Variants in NCKAP1 observed in about 807,000 individuals in gnomAD.
NCKAP1 encodes nck-associated protein 1.
Under a neutral mutation model 151.2 loss-of-function variants are expected in NCKAP1, and 21 were observed. The observed-to-expected ratio is 0.14, with a 90% CI of 0.10 to 0.20. NCKAP1 has a LOEUF of 0.20. NCKAP1 is among the 10% of genes least tolerant of loss of function. NCKAP1 has a pLI of 1.00. For synonymous variants in NCKAP1, 484 were observed against 451.8 expected (o/e 1.07, Z -0.90); for missense variants, 933 against 1,352.1 (o/e 0.69, Z 4.86).
intron 13 of NCKAP1, among the ~76,000 whole-genome samples, chr2:182,980,150 C>G (rs1297164792): frequency 1.3e-5 from 2 of 151,924 alleles, no homozygotes; most frequent in African/African-American, 4.8e-5. Flanking sequence ...AATAACTATT[C>G]AAATAAAATT....
rs1432561589 is a variant in NCKAP1, at chr2:183,002,019, G to A, written c.537C>T (p.Gly179=). The change falls in exon 6 of 31, where the codon GGC becomes GGT. Residue 179 remains glycine, a synonymous_variant. Coordinates refer to ENST00000361354, the MANE Select transcript of NCKAP1 (RefSeq NM_013436.5). ...GASDREYPRL[G]QMIVDYENPL... ...GGTTTTCATAATCCACAATCATCTG[G>A]CCAAGGCGTGGGTATTCTCTGTCAC... 4 of 1,613,570 alleles carry A rather than the reference G, an allele frequency of 2.5e-6. No individual in the cohort carries two copies. Among genetic ancestry groups the A allele is most frequent in the African/African-American group, 2.7e-5 (2 of 74,864 alleles).
Position 182,957,549 on chromosome 2 carries a change from C to G in NCKAP1, c.1929G>C (p.Lys643Asn), listed in dbSNP as rs1200787853. 1 of 1,613,686 alleles carries G rather than the reference C, an allele frequency of 6.2e-7. No homozygotes were observed. Among genetic ancestry groups the G allele is most frequent in the Non-Finnish European group, 8.5e-7 (1 of 1,179,812 alleles). The change falls in exon 19 of 31, where the codon AAG becomes AAC. Residue 643 changes from lysine to asparagine, a missense_variant. Transcript: ENST00000361354. ...CAKTISQAVN[K>N]KSKKQTGKKG... is the part of the protein sequence containing the mutation. Reference sequence around the variant, plus strand: ...TCTTACCAGTCTGCTTTTTTGATTTCTTATTCACTGCTTGACTGATAGTTT... The same window carrying G: ...TCTTACCAGTCTGCTTTTTTGATTTGTTATTCACTGCTTGACTGATAGTTT...
chr2:182,963,479 T>C (rs1352264715), intron 17 of NCKAP1, among the ~76,000 whole-genome samples: 1 of 152,164 alleles, frequency 6.6e-6, no homozygotes, highest in Non-Finnish European at 1.5e-5. Flanking sequence ...CAAATCTCTC[T>C]ATTATCTGAC....
chr2:182,993,733 A>C (rs1200642217), intron 8 of NCKAP1, among the ~76,000 whole-genome samples: 1 of 148,112 alleles, frequency 6.8e-6, no homozygotes, highest in Non-Finnish European at 1.5e-5. Flanking sequence ...GAAGGTTGGG[A>C]TAAAAAAAAC....
chr2:183,031,032 C>A (rs1369064514), intron 1 of NCKAP1, among the ~76,000 whole-genome samples: 1 of 152,104 alleles, frequency 6.6e-6, no homozygotes, highest in South Asian at 2.1e-4. Context: ...GGCTTGATAA[C>A]AAAGTATACT....
rs1220641677 is a variant in NCKAP1, at chr2:182,912,267, G to C, written c.*13435C>G. 3 of 152,126 alleles carry C rather than the reference G, an allele frequency of 2.0e-5. No homozygotes were observed. The highest frequency in any genetic ancestry group is 7.2e-5 in the African/African-American group (3 of 41,418). The allele number at this position is 152,126 out of a possible 1,614,324, so 9.4% of individuals were successfully genotyped here. A position where few individuals can be genotyped will look rare whatever the true frequency, so the allele number is the denominator to read the frequency against. On this transcript the variant is annotated 3_prime_UTR_variant, in exon 31 of 31. Transcript: ENST00000361354. ...TTGCCCATTACGTATTAATAAACTG[G>C]ATTCAACAAAGACATTCTTACCCAT...
At chr2:182,989,211 C>T (rs762090998) in intron 8 of NCKAP1, 25 bp from the exon 9 acceptor site, 1 of 1,559,704 alleles carries the variant, frequency 6.4e-7, no homozygotes, top group African/African-American at 1.4e-5. Flanking sequence ...AAAGCAAATA[C>T]AAATGTAAAT....
chr2:183,024,831 T>A (rs933187391), intron 1 of NCKAP1: 18 of 723,980 alleles, frequency 2.5e-5, no homozygotes, highest in Non-Finnish European at 3.7e-5. Flanking sequence ...CTGTCTGCCA[T>A]GTGTGAGGAA....
At chr2:182,928,644 A>G (rs1309564405) in intron 28 of NCKAP1, 139 bp downstream of exon 28, 1 of 567,390 alleles carries the variant, frequency 1.8e-6, no homozygotes, top group Non-Finnish European at 3.1e-6. Flanking sequence ...ATATATCAGG[A>G]AACTGCAGTT....
intron 1 of NCKAP1, among the ~76,000 whole-genome samples, chr2:183,025,578 C>T (rs572055338): frequency 6.6e-6 from 1 of 152,150 alleles, no homozygotes; most frequent in Admixed American, 6.5e-5. Flanking sequence ...TTTAGAACTT[C>T]ATAATCTTTA....
In NCKAP1 at chr2:183,038,327, GCCTTCCGCCCGCCGC is replaced by G. The variant is rs1357136720; in HGVS notation, c.-243_-229del. On this transcript the variant is annotated 5_prime_UTR_variant, in exon 1 of 31. Coordinates refer to ENST00000361354, the MANE Select transcript of NCKAP1 (RefSeq NM_013436.5). ...GCAGCCCGCGCCCCGGCAGCCTCCTGCCTTCCGCCCGCCGCCCTTCCGCCCCCACCCCCGGCGCTC... is the reference window on the plus strand; with the variant it reads ...GCAGCCCGCGCCCCGGCAGCCTCCTGCCTTCCGCCCCCACCCCCGGCGCTC... The G allele has an allele frequency of 1.5e-4, 47 of 322,532 alleles. No homozygotes were observed. Among genetic ancestry groups the G allele is most frequent in the African/African-American group, 9.4e-4 (43 of 45,596 alleles). 20.0% of individuals were successfully genotyped at this position (322,532 alleles called of 1,614,324 possible).
intron 27 of NCKAP1, among the ~76,000 whole-genome samples, chr2:182,929,683 T>C (rs972124244): frequency 6.6e-6 from 1 of 150,534 alleles, no homozygotes; most frequent in African/African-American, 2.4e-5. Context: ...CTGTAGCAAA[T>C]CAAGTAATAA....
intron 1 of NCKAP1, among the ~76,000 whole-genome samples, chr2:183,032,574 T>TA (rs202148682): frequency 1.2e-3 from 177 of 151,024 alleles, no homozygotes; most frequent in African/African-American, 3.3e-3. Flanking sequence ...TATCTAAACA[T>TA]AAAAAAAAAC....
chr2:182,913,428 G>C lies in NCKAP1; in HGVS notation c.*12274C>G, dbSNP rs779857641. The C allele has an allele frequency of 6.6e-6, 1 of 152,122 alleles. No homozygotes were observed. The highest frequency in any genetic ancestry group is 2.1e-4 in the South Asian group (1 of 4,824). 9.4% of individuals were successfully genotyped at this position (152,122 alleles called of 1,614,324 possible). On this transcript the variant is annotated 3_prime_UTR_variant, in exon 31 of 31. Transcript: ENST00000361354. ...GGATTGATGGGCTATCAAGGGAGTG[G>C]GTTAGTTACCACAAAAGTGAGTCTG...
chr2:182,930,668 T>C (rs1427106699), intron 27 of NCKAP1, 27 bp downstream of exon 27: 1 of 1,561,884 alleles, frequency 6.4e-7, no homozygotes, highest in African/African-American at 1.4e-5. Context: ...TAACTAAGAG[T>C]ATTAAATATT....
intron 6 of NCKAP1, among the ~76,000 whole-genome samples, chr2:182,996,581 C>T (rs1001942221): frequency 2.6e-5 from 4 of 152,212 alleles, no homozygotes; most frequent in South Asian, 4.1e-4. Flanking sequence ...CCTCAGCCTC[C>T]GGAGTAGCTG....
At chr2:182,943,982 T>C (rs1697049267) in intron 23 of NCKAP1, among the ~76,000 whole-genome samples, 1 of 152,204 alleles carries the variant, frequency 6.6e-6, no homozygotes, top group African/African-American at 2.4e-5. Flanking sequence ...TCTAGAGAAC[T>C]CCTTACAAAC....
intron 8 of NCKAP1, 83 bp downstream of exon 8, chr2:182,994,756 G>A: frequency 1.8e-6 from 2 of 1,093,828 alleles, no homozygotes; most frequent in Non-Finnish European, 2.8e-6. Context: ...GCTAAGCACA[G>A]AGGTAGTAAC....
Position 182,953,265 on chromosome 2 carries a change from T to C in NCKAP1, c.2220A>G (p.Leu740=). ...CGGTCATGTATGCTCTTACACTTGT[T>C]AGAAGTTCTGAAGGTTTTGCAATTT... ...TQEIAKPSEL[L]TSVRAYMTVL... The change falls in exon 21 of 31, where the codon CTA becomes CTG. Residue 740 remains leucine (L), a synonymous_variant. Coordinates refer to ENST00000361354, the MANE Select transcript of NCKAP1 (RefSeq NM_013436.5). 1.2e-6 allele frequency: 2 copies of C among 1,613,744 alleles called. No homozygotes were observed. The highest frequency in any genetic ancestry group is 1.7e-6 in the Non-Finnish European group (2 of 1,179,758).
Sources: allele counts gnomAD v4.1 joint callset (sites outside exome capture counted in the v4.1 genomes callset), GRCh38; gene constraint gnomAD v4.1.1; transcripts MANE v1.5; gene names NCBI Gene and HGNC (gene_info 2026-07-23, HGNC 2026-07-21).